The following MED13L variants were observed in gnomAD, a reference collection of about 807,000 sequenced individuals.
MED13L encodes the protein mediator complex subunit 13L.
In MED13L, 7 loss-of-function variants were observed where a neutral mutation model predicts 220.9. That is an observed-to-expected ratio of 0.03 (90% CI 0.02 to 0.06). The LOEUF (loss-of-function observed/expected upper bound fraction) is 0.06, where lower values mean the gene tolerates loss of function less well. MED13L is among the 10% of genes least tolerant of loss of function. MED13L has a pLI of 1.00. For missense variants in MED13L, 1,965 were observed against 2,760.5 expected (o/e 0.71, Z 6.46); for synonymous variants, 1,011 against 1,015.2 (o/e 1.00, Z 0.08).
chr12:116,106,867 A>G (rs1171519378), intron 3 of MED13L, among the ~76,000 whole-genome samples: 1 of 152,098 alleles, frequency 6.6e-6, no homozygotes, highest in Non-Finnish European at 1.5e-5. Context: ...GGAAAAAAAA[A>G]AAAAGATATT....
intron 4 of MED13L, among the ~76,000 whole-genome samples, chr12:116,040,997 G>A (rs1425639438): frequency 1.3e-5 from 2 of 152,190 alleles, no homozygotes; most frequent in East Asian, 1.9e-4. Flanking sequence ...AACTATAGGT[G>A]TAGGGAGCCA....
chr12:115,980,079 G>C (rs1877219273), intron 23 of MED13L, among the ~76,000 whole-genome samples: 1 of 152,118 alleles, frequency 6.6e-6, no homozygotes, highest in African/African-American at 2.4e-5. Flanking sequence ...TACAACTGTT[G>C]TCCCAGGATA....
intron 2 of MED13L, among the ~76,000 whole-genome samples, chr12:116,130,102 A>C (rs1565891768): frequency 1.3e-5 from 2 of 152,114 alleles, no homozygotes; most frequent in Non-Finnish European, 2.9e-5. Flanking sequence ...GGAAACCAAC[A>C]GGTTTCTTAA....
Position 115,991,931 on chromosome 12 carries a change from G to C in MED13L, c.3023C>G (p.Ala1008Gly), listed in dbSNP as rs758925148. 6.3e-7 allele frequency: 1 copy of C among 1,599,814 alleles called. No homozygotes were observed. Among genetic ancestry groups the C allele is most frequent in the South Asian group, 1.1e-5 (1 of 91,062 alleles). ...TGGTGTGTTCAGATAGTCTGGATCT[G>C]CTAGGCTCCCAACACTAGGCACGTT... ...YNNVPSVGSLADPDYLNTPQM... is the reference protein window; with the variant it reads ...YNNVPSVGSLGDPDYLNTPQM... Residue 1008 changes from alanine (A) to glycine (G), a missense_variant, in exon 17 of 31, where the codon GCA (alanine) becomes GGA (glycine). By Grantham distance (60) the Ala-to-Gly change is moderately conservative. Around this residue, in one of 10 missense-constraint regions of MED13L, gnomAD observed 233 missense variants for 306.2 expected, o/e 0.76. Transcript: ENST00000281928. The surrounding 1 kb of genome is among the most constrained non-coding windows in gnomAD (Gnocchi z 7.7).
intron 2 of MED13L, among the ~76,000 whole-genome samples, chr12:116,155,730 A>G (rs1013209340): frequency 7.9e-5 from 12 of 151,478 alleles, no homozygotes; most frequent in East Asian, 3.9e-4. Flanking sequence ...ATTTAAGGGG[A>G]AAAAAAAACC....
intron 7 of MED13L, among the ~76,000 whole-genome samples, chr12:116,017,604 T>C (rs753994273): frequency 2.6e-5 from 4 of 152,160 alleles, no homozygotes; most frequent in Admixed American, 1.3e-4. Context: ...CTCTACCAAA[T>C]GAAAGCCGCA....
At chr12:115,967,922 G>C (rs1190602872) in intron 28 of MED13L, among the ~76,000 whole-genome samples, 3 of 152,242 alleles carry the variant, frequency 2.0e-5, no homozygotes, top group South Asian at 2.1e-4. Context: ...CCAGAAGAGG[G>C]TAATAGGGGC....
At chr12:116,101,825 C>T (rs1282694444) in intron 3 of MED13L, among the ~76,000 whole-genome samples, 10 of 152,118 alleles carry the variant, frequency 6.6e-5, no homozygotes, top group African/African-American at 1.9e-4. Context: ...CAAGCAGACA[C>T]ACTCCATCAG....
rs1489199874 is a variant in MED13L at position 116,015,371 on chromosome 12, T to C, written c.1010-97A>G. On this transcript the variant is annotated intron_variant, in intron 7 of 30. Coordinates refer to ENST00000281928, the MANE Select transcript of MED13L (RefSeq NM_015335.5). ...TTAACATAAATATGCATTTTAATTG[T>C]TGAAAGTCATATACATAGCTTTTTC... 6.3e-5 allele frequency: 83 copies of C among 1,309,218 alleles called. 1 individual carries two copies. The South Asian group carries it at 7.1e-4, about 11-fold the overall frequency. 81.1% of individuals were successfully genotyped at this position (1,309,218 alleles called of 1,614,324 possible).
chr12:116,254,016 C>A (rs1189925632), intron 1 of MED13L, among the ~76,000 whole-genome samples: 1 of 151,982 alleles, frequency 6.6e-6, no homozygotes, highest in East Asian at 1.9e-4. Flanking sequence ...CCACCTCGGC[C>A]TCCCAAATTG....
chr12:115,985,990 T>C (rs1166778942), intron 19 of MED13L, among the ~76,000 whole-genome samples: 1 of 152,172 alleles, frequency 6.6e-6, no homozygotes. Flanking sequence ...TCTTCAACTT[T>C]TAGCACATAA....
intron 9 of MED13L, among the ~76,000 whole-genome samples, chr12:116,011,437 C>G (rs116278408): frequency 1.2e-4 from 18 of 152,196 alleles, no homozygotes; most frequent in African/African-American, 4.1e-4. Flanking sequence ...GTGTAAAAGT[C>G]AGTAAATACG....
rs979132962 is a variant in MED13L, at chr12:116,277,277, G to C, written c.-146C>G. On this transcript the variant is annotated 5_prime_UTR_variant, in exon 1 of 31. Coordinates refer to ENST00000281928, the MANE Select transcript of MED13L (RefSeq NM_015335.5). Reference sequence around the variant, plus strand: ...CGGGGGAGGGCGCGAGGGCCGGCGGGCAGGCGGGAGGCGCCGCGGCGACGC... The same window carrying C: ...CGGGGGAGGGCGCGAGGGCCGGCGGCCAGGCGGGAGGCGCCGCGGCGACGC... 6.5e-3 allele frequency: 215 copies of C among 33,046 alleles called. No individual in the cohort carries two copies. The Admixed American group carries it at 0.14, about 22-fold the overall frequency. The allele number at this position is 33,046 out of a possible 1,614,324, so 2.0% of individuals were successfully genotyped here. A position where few individuals can be genotyped will look rare whatever the true frequency, so the allele number is the denominator to read the frequency against.
chr12:116,124,923 A>T (rs1396445582), intron 2 of MED13L, among the ~76,000 whole-genome samples: 1 of 152,232 alleles, frequency 6.6e-6, no homozygotes, highest in East Asian at 1.9e-4. Context: ...ATTTGTCATA[A>T]ATTGAAAGAT....
At chr12:116,169,386 AATC>A (rs1821129516) in intron 2 of MED13L, 2 of 152,218 alleles carry the variant, frequency 1.3e-5, no homozygotes. Flanking sequence ...AAGCTTCTGT[AATC>A]ATCAAATGAT....
intron 2 of MED13L, among the ~76,000 whole-genome samples, chr12:116,123,293 A>ATGTTCAGAAATT (rs1875249650): frequency 6.6e-6 from 1 of 152,194 alleles, no homozygotes; most frequent in Admixed American, 6.5e-5. Context: ...ACAAGGCTGT[A>ATGTTCAGAAATT]TGTTCAGAAA....
intron 4 of MED13L, among the ~76,000 whole-genome samples, chr12:116,040,139 G>T (rs567253084): frequency 1.3e-5 from 2 of 152,112 alleles, no homozygotes; most frequent in Non-Finnish European, 2.9e-5. Flanking sequence ...AGAAAATTGT[G>T]GTGTTTTTTT....
At chr12:116,010,299 T>A (rs888516871) in intron 9 of MED13L, among the ~76,000 whole-genome samples, 1 of 152,220 alleles carries the variant, frequency 6.6e-6, no homozygotes. Context: ...CACAGTAACA[T>A]GTGAACGTCT....
At chr12:116,122,335 A>G (rs1182252592) in intron 2 of MED13L, among the ~76,000 whole-genome samples, 3 of 152,212 alleles carry the variant, frequency 2.0e-5, no homozygotes, top group Admixed American at 6.5e-5. Flanking sequence ...ACATAAAAAA[A>G]TCCAATGACT....
Sources: gnomAD v4.1 joint callset for allele counts (sites outside exome capture counted in the v4.1 genomes callset) on GRCh38, gnomAD v4.1.1 for gene constraint, gnomAD v4.1.1 regional missense constraint, Gnocchi (gnomAD v3.1) non-coding constraint, MANE v1.5 for transcripts, NCBI Gene and HGNC (gene_info 2026-07-23, HGNC 2026-07-21) for gene names.